SLC7A9: variants seen among roughly 807,000 people sequenced by gnomAD.
SLC7A9 encodes B(0,+)-type amino acid transporter 1.
A neutral mutation model predicts 54.1 loss-of-function variants in SLC7A9; 38 were observed. The ratio of observed to expected loss-of-function variants is 0.70; its 90% CI spans 0.54 to 0.92. SLC7A9 has a LOEUF of 0.92. Among genes scored for constraint, SLC7A9 ranks in the 40% least tolerant of loss-of-function variants. The pLI is 0.00. For synonymous variants in SLC7A9, 264 were observed against 258.9 expected (o/e 1.02, Z -0.19); for missense variants, 537 against 636.1 (o/e 0.84, Z 1.68).
intron 9 of SLC7A9, among the ~76,000 whole-genome samples, chr19:32,854,370 C>A (rs1235879396): frequency 6.6e-6 from 1 of 152,094 alleles, no homozygotes; most frequent in African/African-American, 2.4e-5. Flanking sequence ...TCTATGGATT[C>A]AACCCAGTCC....
chr19:32,851,366 A>G (rs1341249090), intron 9 of SLC7A9, among the ~76,000 whole-genome samples: 3 of 152,030 alleles, frequency 2.0e-5, no homozygotes, highest in South Asian at 2.1e-4. Context: ...CAAAGGATAT[A>G]AACAGACACT....
At chr19:32,832,754 G>T (rs534362828) in intron 12 of SLC7A9, 19 of 233,474 alleles carry the variant, frequency 8.1e-5, no homozygotes, top group African/African-American at 4.3e-4. Context: ...TCTACAAAAA[G>T]TAAAAAAAAT....
At chr19:32,847,110 C>T (rs1968321099) in intron 9 of SLC7A9, among the ~76,000 whole-genome samples, 1 of 152,146 alleles carries the variant, frequency 6.6e-6, no homozygotes, top group South Asian at 2.1e-4. Flanking sequence ...AAACTGGAAA[C>T]TCTAAAAAGC....
intron 8 of SLC7A9, 58 bp from the exon 9 acceptor site, chr19:32,858,601 G>T: frequency 7.2e-7 from 1 of 1,384,088 alleles, no homozygotes; most frequent in Non-Finnish European, 1.0e-6. Flanking sequence ...AGAGCGGCCG[G>T]CCCCCAAAAG....
At chr19:32,830,746 G>GTTGT in intron 12 of SLC7A9, 62 bp from the exon 13 acceptor site, 1 of 1,288,052 alleles carries the variant, frequency 7.8e-7, no homozygotes, top group Non-Finnish European at 1.1e-6. Flanking sequence ...TTTCACTGGA[G>GTTGT]TTGTTGTGGG....
chr19:32,867,120 A>G (rs1257763397), intron 2 of SLC7A9, among the ~76,000 whole-genome samples: 1 of 152,194 alleles, frequency 6.6e-6, no homozygotes, highest in Non-Finnish European at 1.5e-5. Flanking sequence ...TCTAAGACAG[A>G]ACAGGCTATG....
In SLC7A9 at chr19:32,865,782, C is replaced by G. The variant is rs563326008; in HGVS notation, c.88-1006G>C. Among the ~76,000 whole-genome samples the G allele has an allele frequency of 3.9e-5, 6 of 152,148 alleles. No individual in the cohort carries two copies. In the East Asian group the frequency reaches 1.2e-3, roughly 29 times the overall value. On this transcript the variant is annotated intron_variant, in intron 2 of 12. Transcript: ENST00000023064. ...GGTTGGGAGTGGGAGACCAGCCTGG[C>G]CAGCATGGAGAAACCCCGTTTCTAC...
chr19:32,842,661 C>T (rs990275055), intron 10 of SLC7A9, among the ~76,000 whole-genome samples: 4 of 151,182 alleles, frequency 2.6e-5, no homozygotes, highest in East Asian at 1.9e-4. Flanking sequence ...CACCCAGGCT[C>T]GAATGCAGTG....
chr19:32,859,743 C>A, intron 8 of SLC7A9, 98 bp downstream of exon 8: 1 of 1,060,330 alleles, frequency 9.4e-7, no homozygotes, highest in South Asian at 1.3e-5. Context: ...GAATATCGCC[C>A]TCCTTCCCTG....
intron 1 of SLC7A9, among the ~76,000 whole-genome samples, chr19:32,869,435 C>T (rs117915930): frequency 0.024 from 3,624 of 152,074 alleles, 76 homozygotes; most frequent in Non-Finnish European, 0.035. Flanking sequence ...CTATTTGCCC[C>T]GGCTGGCCTC....
intron 9 of SLC7A9, among the ~76,000 whole-genome samples, chr19:32,852,217 A>G (rs894529862): frequency 1.3e-5 from 2 of 152,162 alleles, no homozygotes; most frequent in African/African-American, 4.8e-5. Context: ...CAGGCCAGCC[A>G]CTGTGCCTTA....
intron 9 of SLC7A9, among the ~76,000 whole-genome samples, chr19:32,855,701 C>CA (rs113279936): frequency 0.12 from 17,587 of 145,122 alleles, 1,057 homozygotes; most frequent in Non-Finnish European, 0.14. Flanking sequence ...GACTCCGTCT[C>CA]AAAAAAAAAA....
chr19:32,845,167 A>G (rs539763356), intron 9 of SLC7A9, among the ~76,000 whole-genome samples: 82 of 113,770 alleles, frequency 7.2e-4, no homozygotes, highest in African/African-American at 3.4e-3. Context: ...CTATCTCAAA[A>G]AAATAAAAAT....
chr19:32,831,432 G>T (rs905012708), intron 12 of SLC7A9: 1 of 151,842 alleles, frequency 6.6e-6, no homozygotes, highest in African/African-American at 2.4e-5. Flanking sequence ...GACTACAGGC[G>T]CCCGCCACCA....
chr19:32,857,597 T>C (rs1599677938), intron 9 of SLC7A9, among the ~76,000 whole-genome samples: 1 of 152,344 alleles, frequency 6.6e-6, no homozygotes, highest in African/African-American at 2.4e-5. Context: ...GTATTTCATT[T>C]TTTAACATAC....
chr19:32,847,375 A>G (rs546860674), intron 9 of SLC7A9, among the ~76,000 whole-genome samples: 24 of 152,356 alleles, frequency 1.6e-4, no homozygotes, highest in African/African-American at 5.8e-4. Flanking sequence ...AGGCTCGAGA[A>G]CTACGTGAAG....
At chr19:32,843,071 C>T (rs948054542) in intron 10 of SLC7A9, among the ~76,000 whole-genome samples, 1 of 151,938 alleles carries the variant, frequency 6.6e-6, no homozygotes, top group Non-Finnish European at 1.5e-5. Flanking sequence ...GTGTAGACCA[C>T]CCCTGGGGCT....
chr19:32,848,092 G>T (rs879521317), intron 9 of SLC7A9, among the ~76,000 whole-genome samples: 71 of 150,842 alleles, frequency 4.7e-4, no homozygotes, highest in Non-Finnish European at 4.9e-4. Flanking sequence ...ATGCCAAAAT[G>T]TAAAGACCAT....
intron 6 of SLC7A9, 59 bp from the exon 7 acceptor site, chr19:32,860,709 C>A (rs1386371229): frequency 7.5e-6 from 12 of 1,604,596 alleles, no homozygotes. Flanking sequence ...GATAATGAAA[C>A]CCACAATAAT....
Sources: allele counts gnomAD v4.1 joint callset (sites outside exome capture counted in the v4.1 genomes callset), GRCh38; gene constraint gnomAD v4.1.1; transcripts MANE v1.5; gene names NCBI Gene and HGNC (gene_info 2026-07-23, HGNC 2026-07-21).